The following MEGF11 variants were observed in gnomAD, a reference collection of about 807,000 sequenced individuals.
MEGF11 encodes the protein multiple EGF like domains 11.
Under a neutral mutation model 146.6 loss-of-function variants are expected in MEGF11, and 126 were observed. The ratio of observed to expected loss-of-function variants is 0.86; its 90% CI spans 0.74 to 1.00. The LOEUF (loss-of-function observed/expected upper bound fraction) is 1.00, where lower values mean the gene tolerates loss of function less well. Among genes scored for constraint, MEGF11 ranks in the 50% least tolerant of loss-of-function variants. MEGF11 has a pLI of 0.00. For synonymous variants in MEGF11, 532 were observed against 583.4 expected, an observed-to-expected ratio of 0.91 and a Z score of 1.27; for missense variants, 1,509 against 1,521.2, an observed-to-expected ratio of 0.99 and a Z score of 0.13.
At chr15:66,227,358 C>A (rs1339818869) in intron 1 of MEGF11, among the ~76,000 whole-genome samples, 2 of 152,028 alleles carry the variant, frequency 1.3e-5, no homozygotes, top group Non-Finnish European at 2.9e-5. Flanking sequence ...GTAAATTAGA[C>A]CTTTTATCCT....
chr15:66,025,530 C>T (rs1424373387), intron 5 of MEGF11, among the ~76,000 whole-genome samples: 5 of 152,116 alleles, frequency 3.3e-5, no homozygotes, highest in African/African-American at 4.8e-5. Context: ...TTGCTCAAGT[C>T]CTAGGTCTTA....
chr15:66,135,853 G>A (rs2088862945), intron 1 of MEGF11, among the ~76,000 whole-genome samples: 1 of 152,172 alleles, frequency 6.6e-6, no homozygotes, highest in Admixed American at 6.5e-5. Flanking sequence ...TCACTACCTT[G>A]CTGTGTGACC....
intron 1 of MEGF11, among the ~76,000 whole-genome samples, chr15:66,162,247 G>A (rs944603373): frequency 7.9e-5 from 12 of 152,170 alleles, no homozygotes; most frequent in African/African-American, 2.9e-4. Context: ...AAAGAGAGTG[G>A]CCCGATGGCA....
rs750831933 is a variant in MEGF11, at chr15:65,965,110, C to G, written c.910G>C (p.Glu304Gln). 4.4e-6 allele frequency: 7 copies of G among 1,588,686 alleles called. No homozygotes were observed. The highest frequency in any genetic ancestry group is 1.7e-4 in the Middle Eastern group (1 of 5,974). ...AGYMGDRCQE[E>Q]CPFGSFGFQC... is the part of the protein sequence containing the mutation. ...AAGCCGAAGGACCCGAAGGGGCACT[C>G]CTCTTGGCACCTGTGGGAGAGCAGA... The change falls in exon 9 of 26, where the codon GAG becomes CAG. Residue 304 changes from glutamate (E) to glutamine (Q), a missense_variant. Coordinates refer to ENST00000395614, the MANE Select transcript of MEGF11 (RefSeq NM_001385028.1).
intron 5 of MEGF11, among the ~76,000 whole-genome samples, chr15:65,987,867 T>C (rs1235658936): frequency 1.3e-5 from 2 of 151,328 alleles, no homozygotes; most frequent in Non-Finnish European, 2.9e-5. Flanking sequence ...TGCGCCACCA[T>C]GCCTGGCTAA....
At chr15:66,155,045 C>T (rs1472091804) in intron 1 of MEGF11, among the ~76,000 whole-genome samples, 1 of 152,208 alleles carries the variant, frequency 6.6e-6, no homozygotes, top group Non-Finnish European at 1.5e-5. Flanking sequence ...TGGAAGGGAT[C>T]ATATTCAGAT....
At chr15:66,245,491 G>A (rs1016545555) in intron 1 of MEGF11, among the ~76,000 whole-genome samples, 1 of 152,032 alleles carries the variant, frequency 6.6e-6, no homozygotes, top group East Asian at 1.9e-4. Flanking sequence ...AATTAGCCAG[G>A]CATGGTGGCA....
At chr15:66,163,621 C>T (rs1228162771) in intron 1 of MEGF11, among the ~76,000 whole-genome samples, 1 of 152,210 alleles carries the variant, frequency 6.6e-6, no homozygotes, top group Admixed American at 6.5e-5. Flanking sequence ...AGATGTGGAG[C>T]TGGCTAGAGG....
intron 21 of MEGF11, among the ~76,000 whole-genome samples, chr15:65,911,257 A>G (rs756866997): frequency 1.3e-5 from 2 of 152,262 alleles, no homozygotes; most frequent in African/African-American, 2.4e-5. Flanking sequence ...TCAGACTGCA[A>G]CAAACGGTTA....
intron 5 of MEGF11, among the ~76,000 whole-genome samples, chr15:66,017,634 T>C (rs2082934590): frequency 6.6e-6 from 1 of 152,084 alleles, no homozygotes; most frequent in African/African-American, 2.4e-5. Context: ...TGTCTGAGGG[T>C]CACACCCTTC....
intron 1 of MEGF11, among the ~76,000 whole-genome samples, chr15:66,233,074 C>T (rs572699370): frequency 7.6e-4 from 115 of 152,290 alleles, no homozygotes; most frequent in African/African-American, 2.7e-3. Flanking sequence ...GTCCATTTTA[C>T]ACAGCACTGT....
intron 1 of MEGF11, among the ~76,000 whole-genome samples, chr15:66,170,110 G>A (rs2090207106): frequency 6.6e-6 from 1 of 151,998 alleles, no homozygotes; most frequent in Non-Finnish European, 1.5e-5. Context: ...CTGCACTAAA[G>A]ACAGAATAAC....
intron 21 of MEGF11, among the ~76,000 whole-genome samples, chr15:65,910,899 T>C (rs1425417478): frequency 6.6e-6 from 1 of 152,186 alleles, no homozygotes; most frequent in East Asian, 1.9e-4. Context: ...CTGTTTTGTG[T>C]CTATGGGCAC....
At chr15:66,071,997 C>T (rs1006202173) in intron 5 of MEGF11, among the ~76,000 whole-genome samples, 11 of 152,360 alleles carry the variant, frequency 7.2e-5, no homozygotes, top group Admixed American at 3.9e-4. Flanking sequence ...TCCCTTCCGG[C>T]GCTCTGCTCT....
chr15:66,244,139 C>T (rs1279253489), intron 1 of MEGF11, among the ~76,000 whole-genome samples: 1 of 152,162 alleles, frequency 6.6e-6, no homozygotes, highest in Non-Finnish European at 1.5e-5. Flanking sequence ...AGTGCCTGCT[C>T]AACCGCGAGG....
intron 5 of MEGF11, among the ~76,000 whole-genome samples, chr15:66,017,568 C>T (rs142428923): frequency 1.1e-4 from 16 of 152,276 alleles, no homozygotes; most frequent in African/African-American, 3.4e-4. Context: ...TGGTCTGACC[C>T]GTCCTTCCTC....
At chr15:66,059,229 C>T (rs1021326329) in intron 5 of MEGF11, among the ~76,000 whole-genome samples, 1 of 152,206 alleles carries the variant, frequency 6.6e-6, no homozygotes, top group African/African-American at 2.4e-5. Context: ...GCTGTTCCCT[C>T]CCCCGCGCCA....
chr15:65,896,383 A>G lies in MEGF11; in HGVS notation c.*1551T>C, dbSNP rs1264979057. 1 of 152,558 alleles carries G rather than the reference A, an allele frequency of 6.6e-6. No homozygotes were observed. The highest frequency in any genetic ancestry group is 1.5e-5 in the Non-Finnish European group (1 of 68,024). 9.5% of individuals were successfully genotyped at this position (152,558 alleles called of 1,614,324 possible). A position where few individuals can be genotyped will look rare whatever the true frequency, so the allele number is the denominator to read the frequency against. ...TTTTGCTTTTTCTGATTATTGCCCA[A>G]AGTATTGTGTTCCATGGCAGGCTTC... On this transcript the variant is annotated 3_prime_UTR_variant, in exon 26 of 26. Coordinates refer to ENST00000395614, the MANE Select transcript of MEGF11 (RefSeq NM_001385028.1).
intron 10 of MEGF11, among the ~76,000 whole-genome samples, chr15:65,954,118 G>A (rs1164096096): frequency 1.3e-5 from 2 of 152,120 alleles, no homozygotes; most frequent in South Asian, 2.1e-4. Context: ...AAGGTAAAGC[G>A]ACATGTCCAA....
Sources: allele counts gnomAD v4.1 joint callset (sites outside exome capture counted in the v4.1 genomes callset), GRCh38; gene constraint gnomAD v4.1.1; transcripts MANE v1.5; gene names NCBI Gene and HGNC (gene_info 2026-07-23, HGNC 2026-07-21).